The following SDK1 variants were observed in gnomAD, a reference collection of about 807,000 sequenced individuals.
SDK1 encodes protein sidekick-1.
Under a neutral mutation model 245.5 loss-of-function variants are expected in SDK1, and 157 were observed. The observed-to-expected ratio is 0.64, with a 90% CI of 0.56 to 0.73. The LOEUF is 0.73. Ranked by LOEUF, SDK1 falls within the 30% of genes least tolerant of loss-of-function variation. The pLI is 0.00. For missense variants in SDK1, 3,583 were observed against 3,002.3 expected (o/e 1.19, Z -4.52); for synonymous variants, 1,647 against 1,278.5 (o/e 1.29, Z -6.15).
intron 35 of SDK1, among the ~76,000 whole-genome samples, chr7:4,197,217 A>G (rs1231856195): frequency 6.6e-6 from 1 of 152,042 alleles, no homozygotes; most frequent in Non-Finnish European, 1.5e-5. Context: ...CCATCCCAGC[A>G]CTTTGGGAGG....
chr7:3,595,943 C>G (rs1235482335), intron 1 of SDK1, among the ~76,000 whole-genome samples: 2 of 141,466 alleles, frequency 1.4e-5, no homozygotes, highest in Non-Finnish European at 3.0e-5. Flanking sequence ...TTTAACCTGT[C>G]TAATGGGTAT....
chr7:3,959,434 G>A (rs1781505357), intron 8 of SDK1, among the ~76,000 whole-genome samples: 1 of 152,166 alleles, frequency 6.6e-6, no homozygotes, highest in Admixed American at 6.5e-5. Context: ...GGGTGTACAT[G>A]TATTTGTAGT....
chr7:3,545,634 A>C (rs937992184), intron 1 of SDK1, among the ~76,000 whole-genome samples: 6 of 152,206 alleles, frequency 3.9e-5, no homozygotes, highest in Non-Finnish European at 8.8e-5. Context: ...ACCACCTGGC[A>C]ACCCTCTGCT....
chr7:3,498,371 C>A (rs949373402), intron 1 of SDK1, among the ~76,000 whole-genome samples: 1 of 152,126 alleles, frequency 6.6e-6, no homozygotes, highest in Non-Finnish European at 1.5e-5. Flanking sequence ...ATTTACCAGC[C>A]TTCTAGACGT....
At chr7:4,031,247 C>A (rs554278448) in intron 17 of SDK1, among the ~76,000 whole-genome samples, 4 of 152,254 alleles carry the variant, frequency 2.6e-5, no homozygotes, top group African/African-American at 9.6e-5. Flanking sequence ...CAGATAAAAT[C>A]GGCTTCTGTG....
intron 1 of SDK1, among the ~76,000 whole-genome samples, chr7:3,393,314 G>C (rs1781809566): frequency 6.6e-6 from 1 of 152,004 alleles, no homozygotes; most frequent in African/African-American, 2.4e-5. Flanking sequence ...GAGTGAAGTT[G>C]TTCAATCATA....
intron 1 of SDK1, among the ~76,000 whole-genome samples, chr7:3,447,699 C>CTTTT (rs56137514): frequency 1.1e-5 from 1 of 89,554 alleles, no homozygotes; most frequent in Non-Finnish European, 2.1e-5. Flanking sequence ...GCTTATATAT[C>CTTTT]TTTTTTTTTT....
At chr7:3,633,225 A>G (rs910634003) in intron 2 of SDK1, among the ~76,000 whole-genome samples, 2 of 152,230 alleles carry the variant, frequency 1.3e-5, no homozygotes, top group Non-Finnish European at 2.9e-5. Flanking sequence ...CTAAAGTGAC[A>G]TAAAATGGAT....
At chr7:3,358,046 G>T (rs1373726591) in intron 1 of SDK1, among the ~76,000 whole-genome samples, 2 of 151,930 alleles carry the variant, frequency 1.3e-5, no homozygotes, top group Non-Finnish European at 2.9e-5. Context: ...GGGATGGACA[G>T]AGTCTTACTC....
chr7:3,762,323 C>G (rs946298475), intron 4 of SDK1, among the ~76,000 whole-genome samples: 10 of 152,202 alleles, frequency 6.6e-5, no homozygotes, highest in Admixed American at 1.3e-4. Flanking sequence ...AGAAAACAGA[C>G]TGCACCTGCT....
At chr7:3,574,299 G>A (rs1780215794) in intron 1 of SDK1, among the ~76,000 whole-genome samples, 1 of 151,764 alleles carries the variant, frequency 6.6e-6, no homozygotes, top group Non-Finnish European at 1.5e-5. Context: ...TGTATTTTTA[G>A]TAGAGACAGG....
chr7:3,544,422 C>G (rs1779152642), intron 1 of SDK1, among the ~76,000 whole-genome samples: 1 of 152,246 alleles, frequency 6.6e-6, no homozygotes, highest in Non-Finnish European at 1.5e-5. Flanking sequence ...CACCAGGAGT[C>G]TGATGATGTG....
intron 5 of SDK1, among the ~76,000 whole-genome samples, chr7:3,907,936 A>G (rs569875112): frequency 6.6e-6 from 1 of 152,302 alleles, no homozygotes; most frequent in East Asian, 1.9e-4. Flanking sequence ...GTTTACTTTT[A>G]AAAACATTGT....
chr7:4,083,294 AT>A (rs1562784163), intron 22 of SDK1, among the ~76,000 whole-genome samples: 1 of 149,520 alleles, frequency 6.7e-6, no homozygotes, highest in Non-Finnish European at 1.5e-5. Flanking sequence ...ACAACCACTC[AT>A]CTGCTTCCTG....
chr7:4,263,422 T>C (rs558835027), intron 44 of SDK1, among the ~76,000 whole-genome samples: 19 of 146,796 alleles, frequency 1.3e-4, no homozygotes, highest in African/African-American at 3.0e-4. Context: ...GGGAAGGCTG[T>C]GTAGACCTCT....
chr7:3,980,246 G>A (rs1783292649), intron 13 of SDK1, among the ~76,000 whole-genome samples: 1 of 152,190 alleles, frequency 6.6e-6, no homozygotes, highest in Non-Finnish European at 1.5e-5. Flanking sequence ...TTTCAAAACT[G>A]TTTTTCTCAC....
chr7:3,593,635 A>C (rs1780959681), intron 1 of SDK1, among the ~76,000 whole-genome samples: 1 of 152,178 alleles, frequency 6.6e-6, no homozygotes, highest in Non-Finnish European at 1.5e-5. Context: ...TTGAGTCTTT[A>C]AGAATGTATA....
chr7:3,430,752 C>A (rs1431169624), intron 1 of SDK1, among the ~76,000 whole-genome samples: 1 of 152,206 alleles, frequency 6.6e-6, no homozygotes, highest in African/African-American at 2.4e-5. Context: ...ATGTCTGCTG[C>A]CCTGGGGGCC....
chr7:3,651,136 T>TG (rs1190353978), intron 4 of SDK1, among the ~76,000 whole-genome samples: 5 of 151,368 alleles, frequency 3.3e-5, no homozygotes, highest in South Asian at 2.1e-4. Flanking sequence ...TTTAGTTTTT[T>TG]TTTTTTTTTT....
Sources: allele counts gnomAD v4.1 joint callset (sites outside exome capture counted in the v4.1 genomes callset), GRCh38; gene constraint gnomAD v4.1.1; transcripts MANE v1.5; gene names NCBI Gene and HGNC (gene_info 2026-07-23, HGNC 2026-07-21).